Variants in UNC5C observed in about 807,000 individuals in gnomAD.
The protein encoded by UNC5C is netrin receptor UNC5C.
UNC5C carries 47 observed loss-of-function variants against 99.8 expected under a neutral mutation model. That is an observed-to-expected ratio of 0.47 (90% CI 0.37 to 0.60). The LOEUF (loss-of-function observed/expected upper bound fraction) is 0.60. Ranked by LOEUF, UNC5C falls within the 20% of genes least tolerant of loss-of-function variation. UNC5C has a pLI of 0.00. For synonymous variants in UNC5C, 487 were observed against 452.2 expected (o/e 1.08, Z -0.98); for missense variants, 1,062 against 1,165.9 (o/e 0.91, Z 1.30).
chr4:95,463,014 C>G (rs1747651436), intron 1 of UNC5C, among the ~76,000 whole-genome samples: 3 of 152,104 alleles, frequency 2.0e-5, no homozygotes. Flanking sequence ...TCTCAAATGA[C>G]CATTTGATCT....
At chr4:95,191,288 A>G (rs1048288822) in intron 12 of UNC5C, among the ~76,000 whole-genome samples, 2 of 152,102 alleles carry the variant, frequency 1.3e-5, no homozygotes, top group Non-Finnish European at 2.9e-5. Flanking sequence ...GCAAATTTCC[A>G]TTAAGTATCA....
chr4:95,547,560 G>A (rs1457712168), intron 1 of UNC5C, among the ~76,000 whole-genome samples: 1 of 152,192 alleles, frequency 6.6e-6, no homozygotes, highest in East Asian at 1.9e-4. Flanking sequence ...AATTGCCTCT[G>A]AATGCTGCAT....
In UNC5C at chr4:95,273,092, A is replaced by C. The variant is rs559813073; in HGVS notation, c.594+5167T>G. On this transcript the variant is annotated intron_variant, in intron 4 of 15. Transcript: ENST00000453304. The stretch of plus-strand genomic sequence containing the variant: ...GTTTATCACGACTATACTCAGTAAA[A>C]TAATCTATTCTTTTGCACCTCACCC... Among the ~76,000 whole-genome samples, 4 of 152,344 alleles carry C rather than the reference A, an allele frequency of 2.6e-5. No homozygotes were observed. In the South Asian group the frequency reaches 6.2e-4, roughly 24 times the overall value.
intron 1 of UNC5C, among the ~76,000 whole-genome samples, chr4:95,508,407 C>T (rs184701118): frequency 5.9e-5 from 9 of 151,816 alleles, no homozygotes; most frequent in African/African-American, 2.2e-4. Context: ...GCTTCTTGTA[C>T]ATTATATGAT....
intron 1 of UNC5C, among the ~76,000 whole-genome samples, chr4:95,353,784 G>A (rs916043604): frequency 2.0e-5 from 3 of 152,052 alleles, no homozygotes; most frequent in East Asian, 3.9e-4. Context: ...TATAACCAAC[G>A]ATAAGACCAT....
At chr4:95,475,839 A>G (rs1383582380) in intron 1 of UNC5C, among the ~76,000 whole-genome samples, 2 of 152,098 alleles carry the variant, frequency 1.3e-5, no homozygotes, top group Non-Finnish European at 2.9e-5. Flanking sequence ...CAAATCATTC[A>G]TTACCTAAAT....
chr4:95,365,336 A>G (rs897637025), intron 1 of UNC5C, among the ~76,000 whole-genome samples: 6 of 148,068 alleles, frequency 4.1e-5, no homozygotes, highest in Non-Finnish European at 1.5e-5. Context: ...AAAATACAAT[A>G]CAACATAATA....
At chr4:95,509,520 C>T (rs1400459356) in intron 1 of UNC5C, among the ~76,000 whole-genome samples, 1 of 151,668 alleles carries the variant, frequency 6.6e-6, no homozygotes, top group East Asian at 1.9e-4. Flanking sequence ...AAATCTGAAG[C>T]TTGACATCCA....
chr4:95,524,557 A>G (rs1003949497), intron 1 of UNC5C, among the ~76,000 whole-genome samples: 1 of 152,118 alleles, frequency 6.6e-6, no homozygotes, highest in African/African-American at 2.4e-5. Flanking sequence ...AGCTGCCACC[A>G]TATTGGGCCC....
chr4:95,174,235 A>G (rs910148815), intron 14 of UNC5C, among the ~76,000 whole-genome samples: 3 of 151,078 alleles, frequency 2.0e-5, no homozygotes, highest in African/African-American at 4.9e-5. Flanking sequence ...TTGTGTCTCT[A>G]TTTCCTTCAG....
chr4:95,387,925 C>T (rs996237270), intron 1 of UNC5C, among the ~76,000 whole-genome samples: 2 of 152,110 alleles, frequency 1.3e-5, no homozygotes, highest in African/African-American at 4.8e-5. Context: ...AAGTAAAACC[C>T]GTAAGAATTC....
At chr4:95,501,824 A>G (rs965488929) in intron 1 of UNC5C, among the ~76,000 whole-genome samples, 1 of 152,136 alleles carries the variant, frequency 6.6e-6, no homozygotes, top group Admixed American at 6.6e-5. Context: ...ATATTCTTAC[A>G]GTGATGAATG....
rs1026674003 is a variant in UNC5C, at chr4:95,190,769, C to T, written c.2137-5573G>A. Among the ~76,000 whole-genome samples, 5 of 152,260 alleles carry T rather than the reference C, an allele frequency of 3.3e-5. No homozygotes were observed. In the South Asian group the frequency reaches 1.0e-3, roughly 32 times the overall value. ...GCAGGCCACCTGCCTCAGAGCCCAG[C>T]GTCCGCCAGGGATCTGAGCAATCCT... On this transcript the variant is annotated intron_variant, in intron 12 of 15. Coordinates refer to ENST00000453304, the MANE Select transcript of UNC5C (RefSeq NM_003728.4).
intron 1 of UNC5C, among the ~76,000 whole-genome samples, chr4:95,351,474 TA>T (rs1244469296): frequency 6.6e-6 from 1 of 152,092 alleles, no homozygotes; most frequent in Non-Finnish European, 1.5e-5. Flanking sequence ...TGTGCATATT[TA>T]AAAACTGTCC....
chr4:95,274,597 ACT>A (rs1477754326), intron 4 of UNC5C, among the ~76,000 whole-genome samples: 3 of 151,984 alleles, frequency 2.0e-5, no homozygotes, highest in African/African-American at 7.2e-5. Flanking sequence ...ACTTTGTCAC[ACT>A]CTTTCCCTGG....
intron 1 of UNC5C, among the ~76,000 whole-genome samples, chr4:95,361,579 T>C (rs1006971578): frequency 2.6e-5 from 4 of 152,186 alleles, no homozygotes; most frequent in East Asian, 1.9e-4. Flanking sequence ...TGTGACTCTC[T>C]AAAACACACA....
intron 1 of UNC5C, among the ~76,000 whole-genome samples, chr4:95,517,712 A>G (rs1371231823): frequency 3.3e-5 from 5 of 152,220 alleles, no homozygotes; most frequent in Non-Finnish European, 4.4e-5. Flanking sequence ...CGGGATACCA[A>G]TAAGAAGAGA....
At chr4:95,495,164 T>C (rs888663330) in intron 1 of UNC5C, among the ~76,000 whole-genome samples, 4 of 151,622 alleles carry the variant, frequency 2.6e-5, no homozygotes, top group African/African-American at 4.8e-5. Context: ...TTGTTCTCTA[T>C]TTTTTTCTTT....
chr4:95,307,853 A>T (rs1034856107), intron 2 of UNC5C, among the ~76,000 whole-genome samples: 1 of 152,208 alleles, frequency 6.6e-6, no homozygotes, highest in Admixed American at 6.5e-5. Context: ...CACATCAACA[A>T]AATGAAGGAT....
Sources: gnomAD v4.1 joint callset for allele counts (sites outside exome capture counted in the v4.1 genomes callset) on GRCh38, gnomAD v4.1.1 for gene constraint, MANE v1.5 for transcripts, NCBI Gene and HGNC (gene_info 2026-07-23, HGNC 2026-07-21) for gene names.